GARIN2: variants seen among roughly 807,000 people sequenced by gnomAD.
The protein encoded by GARIN2 is golgi associated RAB2 interactor family member 2, also known as Golgi-associated RAB2 interactor protein 2.
the GARIN2 span, among the ~76,000 whole-genome samples, chr14:67,208,827 G>T: frequency 1.3e-5 from 2 of 150,996 alleles, no homozygotes; most frequent in Admixed American, 1.3e-4. Context: ...AACTCAGAAG[G>T]CAGAGGTTGC....
the GARIN2 span, chr14:67,200,447 A>C: frequency 2.3e-6 from 1 of 435,372 alleles, no homozygotes; most frequent in Non-Finnish European, 4.1e-6. Flanking sequence ...CCCCCACCCC[A>C]TTCCCCTTTT....
At chr14:67,210,156 G>A in the GARIN2 span, among the ~76,000 whole-genome samples, 1 of 152,206 alleles carries the variant, frequency 6.6e-6, no homozygotes, top group African/African-American at 2.4e-5. Context: ...TAACTTATTT[G>A]AATGTAGCGT....
chr14:67,211,457 T>G, the GARIN2 span, among the ~76,000 whole-genome samples: 1 of 152,144 alleles, frequency 6.6e-6, no homozygotes, highest in Non-Finnish European at 1.5e-5. Flanking sequence ...ACAAAACTGA[T>G]TAAATATTTT....
the GARIN2 span, chr14:67,204,818 T>G: frequency 6.2e-7 from 1 of 1,613,946 alleles, no homozygotes; most frequent in Admixed American, 1.7e-5. Flanking sequence ...TTCACAGCCA[T>G]CCTGACCCCG....
chr14:67,201,956 C>G, the GARIN2 span, among the ~76,000 whole-genome samples: 1 of 152,120 alleles, frequency 6.6e-6, no homozygotes, highest in Non-Finnish European at 1.5e-5. Flanking sequence ...TTTATACATG[C>G]TGTTCCTCTG....
At chr14:67,196,223 C>CTTTTTTTTTTTTTTTTTTTTTTTTTTT in the GARIN2 span, among the ~76,000 whole-genome samples, 1 of 143,118 alleles carries the variant, frequency 7.0e-6, no homozygotes, top group Non-Finnish European at 1.5e-5. Context: ...TTCTTTCTTT[C>CTTTTTTTTTTTTTTTTTTTTTTTTTTT]TTTTTTTTTT....
the GARIN2 span, among the ~76,000 whole-genome samples, chr14:67,203,767 C>T: frequency 6.6e-6 from 1 of 152,208 alleles, no homozygotes; most frequent in Non-Finnish European, 1.5e-5. Context: ...GGCTGGAGTG[C>T]AATGGCACGA....
At chr14:67,192,378 C>T in the GARIN2 span, among the ~76,000 whole-genome samples, 2 of 151,976 alleles carry the variant, frequency 1.3e-5, no homozygotes, top group African/African-American at 4.8e-5. Context: ...TTGTTTCTTT[C>T]TTTTATTTCC....
chr14:67,208,381 G>A, the GARIN2 span: 19 of 1,613,874 alleles, frequency 1.2e-5, no homozygotes, highest in East Asian at 1.6e-4. Context: ...CCAAGGAGAT[G>A]AAGGATAAGA....
chr14:67,204,807 G>A, the GARIN2 span: 15 of 1,613,940 alleles, frequency 9.3e-6, no homozygotes, highest in South Asian at 5.5e-5. Flanking sequence ...ATGTCACCAC[G>A]TTCACAGCCA....
the GARIN2 span, among the ~76,000 whole-genome samples, chr14:67,191,821 A>G: frequency 6.6e-6 from 1 of 152,208 alleles, no homozygotes; most frequent in African/African-American, 2.4e-5. Flanking sequence ...CCGATCTGTA[A>G]TCAGATTTAA....
chr14:67,198,412 A>G, the GARIN2 span: 1 of 1,251,026 alleles, frequency 8.0e-7, no homozygotes, highest in Admixed American at 2.0e-5. Context: ...ATTGTTTTAA[A>G]TGTGCCGAGG....
chr14:67,200,373 G>C, the GARIN2 span: 2 of 621,142 alleles, frequency 3.2e-6, no homozygotes, highest in African/African-American at 2.0e-5. Flanking sequence ...ATATCTTTTC[G>C]ATACCTTGGA....
the GARIN2 span, chr14:67,198,856 G>T: frequency 2.2e-5 from 14 of 624,156 alleles, no homozygotes; most frequent in South Asian, 2.3e-4. Flanking sequence ...TTCAGACAAA[G>T]AAATGGTGAA....
chr14:67,208,368 C>T, the GARIN2 span: 3 of 1,613,994 alleles, frequency 1.9e-6, no homozygotes, highest in Admixed American at 1.7e-5. Context: ...GAGGCAAATA[C>T]ATCCAAGGAG....
the GARIN2 span, among the ~76,000 whole-genome samples, chr14:67,195,130 A>T: frequency 1.3e-5 from 2 of 152,264 alleles, no homozygotes; most frequent in African/African-American, 4.8e-5. Context: ...CTATATGCAT[A>T]ATCCAAAAGT....
At chr14:67,204,502 G>A in the GARIN2 span, 1 of 1,583,078 alleles carries the variant, frequency 6.3e-7, no homozygotes, top group Admixed American at 1.8e-5. Flanking sequence ...CTCCCATCAG[G>A]TCTCCAGATG....
the GARIN2 span, among the ~76,000 whole-genome samples, chr14:67,217,957 G>C: frequency 3.3e-4 from 50 of 152,232 alleles, no homozygotes; most frequent in African/African-American, 1.2e-3. Flanking sequence ...TTATATGAAT[G>C]GGTCTTGGGA....
chr14:67,204,546 T>G, the GARIN2 span: 1 of 1,612,918 alleles, frequency 6.2e-7, no homozygotes, highest in Non-Finnish European at 8.5e-7. Context: ...GGTTTCTCCC[T>G]CTGCAGTTTG....
Sources: gnomAD v4.1 joint callset for allele counts (sites outside exome capture counted in the v4.1 genomes callset) on GRCh38, gnomAD v4.1.1 for gene constraint, MANE v1.5 for transcripts, NCBI Gene and HGNC (gene_info 2026-07-23, HGNC 2026-07-21) for gene names.